RBFOX1: variants seen among roughly 807,000 people sequenced by gnomAD.
RBFOX1 encodes RNA binding fox-1 homolog 1.
Under a neutral mutation model 57.7 loss-of-function variants are expected in RBFOX1, and 8 were observed. The ratio of observed to expected loss-of-function variants is 0.14; its 90% confidence interval spans 0.08 to 0.25. The LOEUF (loss-of-function observed/expected upper bound fraction) is 0.25. Ranked by LOEUF, RBFOX1 falls within the 10% of genes least tolerant of loss-of-function variation. The pLI, the probability that RBFOX1 is intolerant of heterozygous loss-of-function variation, is 1.00. For synonymous variants in RBFOX1, 326 were observed against 222.4 expected, an observed-to-expected ratio of 1.47 and a Z score of -4.15; for missense variants, 611 against 548.5, an observed-to-expected ratio of 1.11 and a Z score of -1.14.
At chr16:6,878,805 A>G (rs1286389261) in intron 3 of RBFOX1, among the ~76,000 whole-genome samples, 1 of 152,226 alleles carries the variant, frequency 6.6e-6, no homozygotes, top group East Asian at 1.9e-4. Context: ...GGCTTTTCAC[A>G]AAGTATAGAA....
At chr16:7,618,462 C>G (rs910456607) in intron 10 of RBFOX1, among the ~76,000 whole-genome samples, 10 of 152,006 alleles carry the variant, frequency 6.6e-5, no homozygotes, top group African/African-American at 1.7e-4. Flanking sequence ...TATTGTGAAA[C>G]TTATTTCGTG....
At chr16:5,952,416 G>C (rs931445975) in intron 4 of RBFOX1, among the ~76,000 whole-genome samples, 1 of 152,122 alleles carries the variant, frequency 6.6e-6, no homozygotes. Flanking sequence ...CTCCTGAGTA[G>C]CTGGGATTAT....
chr16:6,605,397 A>T (rs1341921414), intron 2 of RBFOX1, among the ~76,000 whole-genome samples: 2 of 151,964 alleles, frequency 1.3e-5, no homozygotes, highest in African/African-American at 2.4e-5. Flanking sequence ...TGCTTTATTG[A>T]TTTATGATAT....
chr16:6,104,932 C>T (rs984523214), intron 1 of RBFOX1, among the ~76,000 whole-genome samples: 17 of 152,326 alleles, frequency 1.1e-4, no homozygotes, highest in African/African-American at 3.6e-4. Flanking sequence ...AGGCAAATAC[C>T]TAGAACTTTC....
chr16:6,869,367 G>A (rs2060477180), intron 3 of RBFOX1, among the ~76,000 whole-genome samples: 1 of 152,072 alleles, frequency 6.6e-6, no homozygotes, highest in Non-Finnish European at 1.5e-5. Context: ...CATAGTTGTA[G>A]GTAGAGAAAG....
intron 3 of RBFOX1, among the ~76,000 whole-genome samples, chr16:6,669,999 C>G (rs7199477): frequency 0.66 from 100,276 of 151,788 alleles, 33,957 homozygotes; most frequent in African/African-American, 0.81. Flanking sequence ...GAAAATCTAT[C>G]TCTGTCTGTC....
intron 4 of RBFOX1, among the ~76,000 whole-genome samples, chr16:7,427,576 G>C (rs1412735541): frequency 6.6e-6 from 1 of 151,468 alleles, no homozygotes; most frequent in East Asian, 1.9e-4. Context: ...ACCTTCCCTT[G>C]CCCAAGCTAA....
chr16:6,752,883 C>G (rs1177400985), intron 3 of RBFOX1, among the ~76,000 whole-genome samples: 2 of 151,364 alleles, frequency 1.3e-5, no homozygotes, highest in African/African-American at 4.9e-5. Flanking sequence ...TGCAGTTCCT[C>G]TGTTCTCCCA....
In RBFOX1 at chr16:7,041,133, A is replaced by T. The variant is rs187353931; in HGVS notation, c.-15-10924A>T. Among the ~76,000 whole-genome samples the T allele has an allele frequency of 2.4e-3, 302 of 123,440 alleles. 3 individuals are homozygous for T. Among genetic ancestry groups the T allele is most frequent in the Middle Eastern group, 0.024 (4 of 164 alleles). The allele number at this position is 123,440 out of a possible 152,430, so 81.0% of individuals were successfully genotyped here. ...GTATTTTTAGTAAATACGGGGTTTC[A>T]CCATGTTGGTCAGGCTGGTGTCGAA... On this transcript the variant is annotated intron_variant, in intron 3 of 15. Transcript: ENST00000550418.
chr16:6,757,709 G>A (rs985693757), intron 3 of RBFOX1, among the ~76,000 whole-genome samples: 1 of 152,132 alleles, frequency 6.6e-6, no homozygotes, highest in Non-Finnish European at 1.5e-5. Flanking sequence ...TTAGATAGGA[G>A]TGAGTTCTAG....
chr16:6,758,900 C>T (rs1419181830), intron 3 of RBFOX1, among the ~76,000 whole-genome samples: 1 of 151,964 alleles, frequency 6.6e-6, no homozygotes, highest in Non-Finnish European at 1.5e-5. Context: ...CTGAAGGTGA[C>T]ATGTGTTCAG....
At chr16:6,707,205 C>A (rs1209127322) in intron 3 of RBFOX1, among the ~76,000 whole-genome samples, 5 of 152,120 alleles carry the variant, frequency 3.3e-5, no homozygotes, top group African/African-American at 1.2e-4. Context: ...ATCATAGGAA[C>A]AGATTTTGAA....
chr16:5,767,074 C>A (rs1317712926), intron 3 of RBFOX1, among the ~76,000 whole-genome samples: 3 of 152,188 alleles, frequency 2.0e-5, no homozygotes, highest in African/African-American at 4.8e-5. Context: ...AGGTTAGTCC[C>A]ACCCTTTAAG....
chr16:6,194,368 T>C (rs761035275), intron 1 of RBFOX1, among the ~76,000 whole-genome samples: 1 of 152,060 alleles, frequency 6.6e-6, no homozygotes, highest in Non-Finnish European at 1.5e-5. Flanking sequence ...TGCTTGAAAA[T>C]AAAAATTTGG....
intron 1 of RBFOX1, among the ~76,000 whole-genome samples, chr16:5,418,652 G>A (rs1172275914): frequency 6.6e-6 from 1 of 151,896 alleles, no homozygotes; most frequent in Non-Finnish European, 1.5e-5. Context: ...CCTTGTCCTC[G>A]CTCCTCTCTC....
intron 4 of RBFOX1, among the ~76,000 whole-genome samples, chr16:5,882,872 T>G (rs2057797673): frequency 6.6e-6 from 1 of 152,234 alleles, no homozygotes; most frequent in Non-Finnish European, 1.5e-5. Context: ...TGAAACACTG[T>G]CAAAGAGAAA....
chr16:6,016,840 G>T (rs1215995146), upstream of RBFOX1, among the ~76,000 whole-genome samples: 1 of 152,130 alleles, frequency 6.6e-6, no homozygotes, highest in Non-Finnish European at 1.5e-5. Context: ...AATGCGAAAG[G>T]TCATTGTGAG....
At chr16:6,900,358 T>C (rs945362083) in intron 3 of RBFOX1, among the ~76,000 whole-genome samples, 2 of 152,230 alleles carry the variant, frequency 1.3e-5, no homozygotes, top group Non-Finnish European at 2.9e-5. Flanking sequence ...CCTTTAGGGA[T>C]CCTTCTGTAA....
intron 3 of RBFOX1, among the ~76,000 whole-genome samples, chr16:6,930,013 C>A (rs532387487): frequency 1.3e-5 from 2 of 152,132 alleles, no homozygotes; most frequent in African/African-American, 4.8e-5. Flanking sequence ...AGAGCGAGAT[C>A]TCTCTCTTCT....
Sources: gnomAD v4.1 joint callset for allele counts (sites outside exome capture counted in the v4.1 genomes callset) on GRCh38, gnomAD v4.1.1 for gene constraint, MANE v1.5 for transcripts, NCBI Gene and HGNC (gene_info 2026-07-23, HGNC 2026-07-21) for gene names.